MYRIP: variants seen among roughly 807,000 people sequenced by gnomAD.
The protein encoded by MYRIP is myosin VIIA and Rab interacting protein.
A neutral mutation model predicts 98.0 loss-of-function variants in MYRIP; 49 were observed. The observed-to-expected ratio is 0.50, with a 90% confidence interval of 0.40 to 0.63. The LOEUF is 0.63. MYRIP is among the 30% of genes least tolerant of loss of function. The pLI is 0.00. For missense variants in MYRIP, 1,004 were observed against 1,058.2 expected (o/e 0.95, Z 0.71); for synonymous variants, 404 against 409.5 (o/e 0.99, Z 0.16).
chr3:40,146,251 T>G (rs1389594540), intron 3 of MYRIP, among the ~76,000 whole-genome samples: 1 of 152,102 alleles, frequency 6.6e-6, no homozygotes, highest in Non-Finnish European at 1.5e-5. Context: ...AGGGAAGGCC[T>G]CCCAAGGGAA....
intron 1 of MYRIP, among the ~76,000 whole-genome samples, chr3:39,866,933 A>G (rs1187176982): frequency 6.6e-6 from 1 of 152,210 alleles, no homozygotes; most frequent in Non-Finnish European, 1.5e-5. Flanking sequence ...AAACAATATT[A>G]CAAAGCTGTA....
At chr3:40,083,708 G>A (rs1283029274) in intron 3 of MYRIP, among the ~76,000 whole-genome samples, 1 of 152,148 alleles carries the variant, frequency 6.6e-6, no homozygotes. Flanking sequence ...CAATGAGGGT[G>A]ACAGCAGAGT....
intron 2 of MYRIP, among the ~76,000 whole-genome samples, chr3:40,036,481 G>A (rs993369976): frequency 2.0e-4 from 31 of 151,914 alleles, no homozygotes; most frequent in African/African-American, 7.5e-4. Flanking sequence ...AAAATCAGAT[G>A]CAAGAAGCAA....
At chr3:39,861,598 A>G (rs1942470935) in intron 1 of MYRIP, among the ~76,000 whole-genome samples, 1 of 152,220 alleles carries the variant, frequency 6.6e-6, no homozygotes. Context: ...ATTGAATTCA[A>G]TAAAATGATA....
intron 3 of MYRIP, among the ~76,000 whole-genome samples, chr3:40,125,225 G>A (rs186203369): frequency 3.3e-5 from 5 of 152,150 alleles, no homozygotes; most frequent in Non-Finnish European, 7.3e-5. Flanking sequence ...GAACTAATAG[G>A]ATAGATATAT....
chr3:39,892,978 G>A (rs1257769887), intron 1 of MYRIP, among the ~76,000 whole-genome samples: 3 of 152,174 alleles, frequency 2.0e-5, no homozygotes, highest in Non-Finnish European at 2.9e-5. Context: ...TGTTTTAAGA[G>A]GTTCTTGCAA....
At chr3:40,005,553 G>A (rs1439680845) in intron 2 of MYRIP, among the ~76,000 whole-genome samples, 3 of 152,176 alleles carry the variant, frequency 2.0e-5, no homozygotes, top group Non-Finnish European at 4.4e-5. Context: ...TGAAAGTATT[G>A]AAACATGGAA....
intron 1 of MYRIP, among the ~76,000 whole-genome samples, chr3:39,889,203 A>G (rs1377762360): frequency 6.6e-6 from 1 of 152,128 alleles, no homozygotes; most frequent in East Asian, 1.9e-4. Flanking sequence ...GAGTATAAAT[A>G]ATGCTGCTAT....
chr3:40,123,961 G>A (rs1485754124), intron 3 of MYRIP, among the ~76,000 whole-genome samples: 1 of 152,168 alleles, frequency 6.6e-6, no homozygotes, highest in East Asian at 1.9e-4. Flanking sequence ...GTTGGTGCAA[G>A]GCCACCTCCC....
chr3:39,863,528 A>G (rs1040607823), intron 1 of MYRIP, among the ~76,000 whole-genome samples: 2 of 152,198 alleles, frequency 1.3e-5, no homozygotes, highest in African/African-American at 4.8e-5. Context: ...GCTACTATGA[A>G]CACTTACTTC....
intron 2 of MYRIP, among the ~76,000 whole-genome samples, chr3:40,032,750 C>T (rs1213169847): frequency 2.0e-5 from 3 of 152,040 alleles, no homozygotes; most frequent in African/African-American, 4.8e-5. Flanking sequence ...ATACCAAACC[C>T]GGGCAGAGAC....
chr3:39,820,062 A>G (rs1401642686), intron 1 of MYRIP, among the ~76,000 whole-genome samples: 1 of 152,182 alleles, frequency 6.6e-6, no homozygotes, highest in Non-Finnish European at 1.5e-5. Flanking sequence ...CTGTGGGCTG[A>G]CAGTTTAATC....
intron 2 of MYRIP, among the ~76,000 whole-genome samples, chr3:40,019,756 T>TG (rs142003514): frequency 0.041 from 5,777 of 139,764 alleles, 186 homozygotes; most frequent in East Asian, 0.18. Flanking sequence ...ATAAAATGTG[T>TG]TTTTTTTTTA....
chr3:40,011,616 C>T (rs1330909064), intron 2 of MYRIP, among the ~76,000 whole-genome samples: 2 of 152,338 alleles, frequency 1.3e-5, no homozygotes, highest in East Asian at 1.9e-4. Flanking sequence ...ATTAAGCTCA[C>T]ACAAAGCACT....
intron 2 of MYRIP, among the ~76,000 whole-genome samples, chr3:39,954,574 G>A (rs1945108423): frequency 6.6e-6 from 1 of 152,182 alleles, no homozygotes; most frequent in African/African-American, 2.4e-5. Flanking sequence ...AGAAACCAGA[G>A]CAGAAAAGCT....
intron 11 of MYRIP, among the ~76,000 whole-genome samples, chr3:40,227,836 C>T (rs1238102659): frequency 6.6e-6 from 1 of 152,182 alleles, no homozygotes; most frequent in Non-Finnish European, 1.5e-5. Flanking sequence ...ACACCTGACA[C>T]ATGCCTTCTA....
At chr3:39,820,403 A>G (rs1275259964) in intron 1 of MYRIP, among the ~76,000 whole-genome samples, 1 of 105,416 alleles carries the variant, frequency 9.5e-6, no homozygotes, top group African/African-American at 3.7e-5. Context: ...TGTTTCCTGA[A>G]GAGATCCCAG....
intron 2 of MYRIP, among the ~76,000 whole-genome samples, chr3:39,904,154 A>G (rs963654771): frequency 2.0e-5 from 3 of 152,138 alleles, no homozygotes; most frequent in African/African-American, 4.8e-5. Context: ...CCCCTTTAAT[A>G]TGGTCCTTTG....
chr3:39,847,509 C>A (rs1486492544), intron 1 of MYRIP, among the ~76,000 whole-genome samples: 1 of 152,156 alleles, frequency 6.6e-6, no homozygotes, highest in African/African-American at 2.4e-5. Flanking sequence ...CTCATAACTA[C>A]CCTCTTCCAC....
Sources: allele counts gnomAD v4.1 joint callset (sites outside exome capture counted in the v4.1 genomes callset), GRCh38; gene constraint gnomAD v4.1.1; transcripts MANE v1.5; gene names NCBI Gene and HGNC (gene_info 2026-07-23, HGNC 2026-07-21).